Variants in AGAP1 observed in about 807,000 individuals in gnomAD.
AGAP1 encodes the protein ArfGAP with GTPase domain, ankyrin repeat and PH domain 1.
Under a neutral mutation model 105.3 loss-of-function variants are expected in AGAP1, and 29 were observed. The ratio of observed to expected loss-of-function variants is 0.28; its 90% confidence interval spans 0.21 to 0.38. AGAP1 has a LOEUF of 0.38. Ranked by LOEUF, AGAP1 falls within the 10% of genes least tolerant of loss-of-function variation. The probability of loss-of-function intolerance (pLI) is 1.00; values close to 1 mark genes in which losing one functional copy is unlikely to be tolerated. For synonymous variants in AGAP1, 509 were observed against 485.9 expected (o/e 1.05, Z -0.63); for missense variants, 998 against 1,165.1 (o/e 0.86, Z 2.09).
chr2:235,826,530 A>G (rs1269042806), intron 9 of AGAP1, among the ~76,000 whole-genome samples: 3 of 151,722 alleles, frequency 2.0e-5, no homozygotes, highest in Non-Finnish European at 4.4e-5. Context: ...GCTCACTGCA[A>G]CCTCCACCTC....
intron 1 of AGAP1, among the ~76,000 whole-genome samples, chr2:235,498,432 G>T (rs759944660): frequency 2.0e-5 from 3 of 152,186 alleles, no homozygotes; most frequent in Admixed American, 6.5e-5. Context: ...CCACACAGCT[G>T]TGTCGTCTCT....
rs927634020 is a variant in AGAP1, at chr2:235,977,640, G to T, written c.1645+9017G>T. Among the ~76,000 whole-genome samples, 1 of 152,126 alleles carries T rather than the reference G, an allele frequency of 6.6e-6. No individual in the cohort carries two copies. The highest frequency in any genetic ancestry group is 1.5e-5 in the Non-Finnish European group (1 of 68,034). On this transcript the variant is annotated intron_variant, in intron 13 of 17. Transcript: ENST00000304032. The surrounding 1 kb of genome is among the most constrained non-coding windows in gnomAD (Gnocchi z 5.2). Reference sequence around the variant, plus strand: ...ATGCCCGGGGGTTATATTTTCAGATGTTCTAGCTGAGCTCGCTTTGTCTTT... The same window carrying T: ...ATGCCCGGGGGTTATATTTTCAGATTTTCTAGCTGAGCTCGCTTTGTCTTT...
At chr2:236,022,893 A>AT (rs1372045915) in intron 13 of AGAP1, among the ~76,000 whole-genome samples, 2 of 152,214 alleles carry the variant, frequency 1.3e-5, no homozygotes, top group African/African-American at 2.4e-5. Flanking sequence ...AAATTTGAAA[A>AT]TAAAAACTGA....
At position 235,864,425 on chromosome 2, in the gene AGAP1, G is replaced by T. The variant is rs976049163; in HGVS notation, c.1051-18920G>T. Among the ~76,000 whole-genome samples, 1 of 152,196 alleles carries T rather than the reference G, an allele frequency of 6.6e-6. No homozygotes were observed. The highest frequency in any genetic ancestry group is 1.5e-5 in the Non-Finnish European group (1 of 68,040). On this transcript the variant is annotated intron_variant, in intron 9 of 17. Coordinates refer to ENST00000304032, the MANE Select transcript of AGAP1 (RefSeq NM_001037131.3). This position sits in a 1 kb window ranked among gnomAD's most constrained non-coding sequence, Gnocchi z 5.0. Reference sequence around the variant, plus strand: ...CATTTCCAGACCATGGTAAGTGCCCGTTGGTTTTGTTTGCGGTTCTGGCCT... The same window carrying T: ...CATTTCCAGACCATGGTAAGTGCCCTTTGGTTTTGTTTGCGGTTCTGGCCT...
At position 235,552,859 on chromosome 2, in the gene AGAP1, C is replaced by T. The variant is rs1417936698; in HGVS notation, c.163+58010C>T. Among the ~76,000 whole-genome samples the T allele has an allele frequency of 1.3e-5, 2 of 152,168 alleles. No homozygotes were observed. The highest frequency in any genetic ancestry group is 1.3e-4 in the Admixed American group (2 of 15,276). Reference sequence around the variant, plus strand: ...TCTGCTGAGCCGGGTTCTGACTCTGCAGAGCATTGGAGGCCTTGTTGTGGG... The same window carrying T: ...TCTGCTGAGCCGGGTTCTGACTCTGTAGAGCATTGGAGGCCTTGTTGTGGG... On this transcript the variant is annotated intron_variant, in intron 1 of 17. Coordinates refer to ENST00000304032, the MANE Select transcript of AGAP1 (RefSeq NM_001037131.3). This position sits in a 1 kb window ranked among gnomAD's most constrained non-coding sequence, Gnocchi z 5.9.
chr2:235,526,504 A>G (rs1942844358), intron 1 of AGAP1, among the ~76,000 whole-genome samples: 1 of 152,220 alleles, frequency 6.6e-6, no homozygotes, highest in Non-Finnish European at 1.5e-5. Context: ...GCAGCAGGAA[A>G]ATCATTTGAA....
In AGAP1 at chr2:235,976,664, C is replaced by T. The variant is rs1002777595; in HGVS notation, c.1645+8041C>T. ...ATGCTGGATGGGACATCAACTGAAG[C>T]GGCCCAGCCATCAGGACACACATAG... On this transcript the variant is annotated intron_variant, in intron 13 of 17. Coordinates refer to ENST00000304032, the MANE Select transcript of AGAP1 (RefSeq NM_001037131.3). This position sits in a 1 kb window ranked among gnomAD's most constrained non-coding sequence, Gnocchi z 4.5. 3.9e-5 allele frequency among the ~76,000 whole-genome samples: 6 copies of T among 152,124 alleles called. No homozygotes were observed. Among genetic ancestry groups the T allele is most frequent in the African/African-American group, 7.2e-5 (3 of 41,416 alleles).
At position 235,967,883 on chromosome 2, in the gene AGAP1, T is replaced by C. The variant is rs2054473599; in HGVS notation, c.1484-579T>C. On this transcript the variant is annotated intron_variant, in intron 12 of 17. Transcript: ENST00000304032. This position sits in a 1 kb window ranked among gnomAD's most constrained non-coding sequence, Gnocchi z 4.7. ...ATGAATCAAAAATTGGCAGGCCTAC[T>C]ATATCGACTTCCAAACACTGTCACT... Among the ~76,000 whole-genome samples, 1 of 152,222 alleles carries C rather than the reference T, an allele frequency of 6.6e-6. No individual in the cohort carries two copies. Among genetic ancestry groups the C allele is most frequent in the Admixed American group, 6.5e-5 (1 of 15,286 alleles).
rs1196049211 is a variant in AGAP1, at chr2:235,951,181, C to T, written c.1484-17281C>T. ...GACACATTTGGCCACTGTGATGGAGCTGCTTTGAAAGGCTGTGCTTTAGAA... is the reference window on the plus strand; with the variant it reads ...GACACATTTGGCCACTGTGATGGAGTTGCTTTGAAAGGCTGTGCTTTAGAA... On this transcript the variant is annotated intron_variant, in intron 12 of 17. Transcript: ENST00000304032. This position sits in a 1 kb window ranked among gnomAD's most constrained non-coding sequence, Gnocchi z 4.2. 6.6e-6 allele frequency among the ~76,000 whole-genome samples: 1 copy of T among 152,154 alleles called. No individual in the cohort carries two copies. Among genetic ancestry groups the T allele is most frequent in the East Asian group, 1.9e-4 (1 of 5,184 alleles).
intron 10 of AGAP1, among the ~76,000 whole-genome samples, chr2:235,884,334 A>C (rs2050167498): frequency 6.6e-6 from 1 of 152,142 alleles, no homozygotes; most frequent in Non-Finnish European, 1.5e-5. Flanking sequence ...CTATACTTTT[A>C]AGTCATCTCT....
At chr2:236,110,840 G>A (rs182886981) in intron 16 of AGAP1, among the ~76,000 whole-genome samples, 3 of 152,166 alleles carry the variant, frequency 2.0e-5, no homozygotes, top group African/African-American at 7.2e-5. Flanking sequence ...CTTAAATGGG[G>A]TAATTTATAA....
intron 5 of AGAP1, among the ~76,000 whole-genome samples, chr2:235,749,207 CATTAAA>C (rs1575319163): frequency 7.3e-6 from 1 of 136,992 alleles, no homozygotes; most frequent in Admixed American, 7.2e-5. Flanking sequence ...GACTCCATCT[CATTAAA>C]AAAAAAGAAA....
In AGAP1 at chr2:236,083,349, G is replaced by A. The variant is rs1185893027; in HGVS notation, c.2114+34068G>A. On this transcript the variant is annotated intron_variant, in intron 16 of 17. Transcript: ENST00000304032. The surrounding 1 kb of genome is among the most constrained non-coding windows in gnomAD (Gnocchi z 5.3). The stretch of plus-strand genomic sequence containing the variant: ...GTCGTCCTCCTCACGGGCTCTTTAC[G>A]TTGACATTGTGGCTTTGGAGGCTGA... Among the ~76,000 whole-genome samples, 2 of 152,146 alleles carry A rather than the reference G, an allele frequency of 1.3e-5. No individual in the cohort carries two copies. Among genetic ancestry groups the A allele is most frequent in the African/African-American group, 2.4e-5 (1 of 41,442 alleles).
chr2:235,702,254 T>C (rs1192917057), intron 1 of AGAP1, among the ~76,000 whole-genome samples: 1 of 152,192 alleles, frequency 6.6e-6, no homozygotes, highest in Non-Finnish European at 1.5e-5. Flanking sequence ...AGTCCATAGC[T>C]CTGCTGGGGA....
At chr2:235,814,041 T>C (rs73998943) in intron 9 of AGAP1, among the ~76,000 whole-genome samples, 6,984 of 152,184 alleles carry the variant, frequency 0.046, 540 homozygotes, top group African/African-American at 0.16. Context: ...CCGGTGTGCT[T>C]CTCTCGACGC....
rs1353738341 is a variant in AGAP1, at chr2:235,953,002, G to A, written c.1484-15460G>A. 1.3e-5 allele frequency among the ~76,000 whole-genome samples: 2 copies of A among 152,296 alleles called. No individual in the cohort carries two copies. Among genetic ancestry groups the A allele is most frequent in the African/African-American group, 4.8e-5 (2 of 41,564 alleles). On this transcript the variant is annotated intron_variant, in intron 12 of 17. Transcript: ENST00000304032. This position sits in a 1 kb window ranked among gnomAD's most constrained non-coding sequence, Gnocchi z 5.2. ...CAGGTGTGGCGGAAGGACCCATACA[G>A]CCTCTTTCAAGTGGCTGGGCCTTCT...
In AGAP1 at chr2:235,824,399, GTAAT is replaced by G. The variant is rs1958958680; in HGVS notation, c.1050+17072_1050+17075del. On this transcript the variant is annotated intron_variant, in intron 9 of 17. Transcript: ENST00000304032. This position sits in a 1 kb window ranked among gnomAD's most constrained non-coding sequence, Gnocchi z 5.2. The stretch of plus-strand genomic sequence containing the variant: ...AAATTGGTAACTGGTAGCTACCAGT[GTAAT>G]TAAATATTTCAGAGCACTTGGCTAC... Among the ~76,000 whole-genome samples the G allele has an allele frequency of 6.6e-6, 1 of 152,220 alleles. No homozygotes were observed.
chr2:235,626,953 A>AT (rs1946656945), intron 1 of AGAP1, among the ~76,000 whole-genome samples: 1 of 152,222 alleles, frequency 6.6e-6, no homozygotes, highest in Admixed American at 6.5e-5. Flanking sequence ...TTTGTTTTTG[A>AT]AATCCACTGA....
intron 1 of AGAP1, among the ~76,000 whole-genome samples, chr2:235,704,059 C>A (rs1950399537): frequency 1.3e-5 from 2 of 152,162 alleles, no homozygotes; most frequent in Admixed American, 1.3e-4. Flanking sequence ...GCTCCTGGCT[C>A]CCTGACCCCT....
Sources: allele counts gnomAD v4.1 joint callset (sites outside exome capture counted in the v4.1 genomes callset), GRCh38; gene constraint gnomAD v4.1.1; non-coding constraint Gnocchi (gnomAD v3.1); transcripts MANE v1.5; gene names NCBI Gene and HGNC (gene_info 2026-07-23, HGNC 2026-07-21).